The following WDFY3 variants were observed in gnomAD, a reference collection of about 807,000 sequenced individuals.
WDFY3 encodes WD repeat and FYVE domain-containing protein 3.
A neutral mutation model predicts 409.6 loss-of-function variants in WDFY3; 66 were observed. The ratio of observed to expected loss-of-function variants is 0.16; its 90% CI spans 0.13 to 0.20. WDFY3 has a LOEUF of 0.20. WDFY3 is among the 10% of genes least tolerant of loss of function. WDFY3 has a pLI of 1.00. For synonymous variants in WDFY3, 1,521 were observed against 1,537.1 expected (o/e 0.99, Z 0.25); for missense variants, 3,031 against 4,298.1 (o/e 0.71, Z 8.24).
rs748790252 is a variant in WDFY3, at chr4:84,810,355, C to T, written c.1888-11G>A. 2 of 911,838 alleles carry T rather than the reference C, an allele frequency of 2.2e-6. No homozygotes were observed. Among genetic ancestry groups the T allele is most frequent in the Non-Finnish European group, 2.9e-6 (2 of 695,174 alleles). 56.5% of individuals were successfully genotyped at this position (911,838 alleles called of 1,614,324 possible). On this transcript the variant is annotated splice_polypyrimidine_tract_variant and intron_variant, in intron 13 of 67. Coordinates refer to ENST00000295888, the MANE Select transcript of WDFY3 (RefSeq NM_014991.6). ...GACCGACAGGAGGGCCTACAGGAGACAAAAGAAAAAACAAATGAAAATACA... is the reference window on the plus strand; with the variant it reads ...GACCGACAGGAGGGCCTACAGGAGATAAAAGAAAAAACAAATGAAAATACA...
At chr4:84,773,000 G>A in intron 29 of WDFY3, 71 bp from the exon 30 acceptor site, 103 of 1,105,760 alleles carry the variant, frequency 9.3e-5, no homozygotes, top group South Asian at 3.6e-4. Context: ...AAAGTACAAA[G>A]AAACAAAATA....
intron 3 of WDFY3, among the ~76,000 whole-genome samples, chr4:84,877,573 A>G (rs1294108994): frequency 6.6e-6 from 1 of 152,182 alleles, no homozygotes; most frequent in East Asian, 1.9e-4. Context: ...AGTTGGAATT[A>G]AAGGTGTGAG....
At chr4:84,940,473 A>C (rs1376834866) in intron 1 of WDFY3, among the ~76,000 whole-genome samples, 1 of 152,124 alleles carries the variant, frequency 6.6e-6, no homozygotes, top group African/African-American at 2.4e-5. Context: ...TTTTTAAAAA[A>C]AGGTTTACTT....
intron 66 of WDFY3, 70 bp downstream of exon 66, chr4:84,678,098 G>T: frequency 9.1e-7 from 1 of 1,094,858 alleles, no homozygotes. Context: ...AGACTGGGCT[G>T]GAGTATGTGG....
rs1258588461 is a variant in WDFY3, at chr4:84,766,460, A to G, written c.4850-88T>C. ...TAGTTCTTGGAAAGTTTACTGAAAA[A>G]TATATCTTTTAGAAAACATTTTCTC... is the stretch of plus-strand genomic sequence containing the variant. On this transcript the variant is annotated intron_variant, in intron 30 of 67. Transcript: ENST00000295888. 5 of 1,312,544 alleles carry G rather than the reference A, an allele frequency of 3.8e-6. No homozygotes were observed. The East Asian group carries it at 1.3e-4, about 34-fold the overall frequency. The allele number at this position is 1,312,544 out of a possible 1,614,324, so 81.3% of individuals were successfully genotyped here.
chr4:84,865,576 G>T (rs1299513701), intron 3 of WDFY3, among the ~76,000 whole-genome samples: 4 of 152,218 alleles, frequency 2.6e-5, no homozygotes, highest in African/African-American at 9.6e-5. Context: ...TTAGCCAGAA[G>T]CCGTAATGTT....
rs879642688 is a variant in WDFY3 at position 84,858,896 on chromosome 4, C to G, written c.180+1516G>C. 2.7e-5 allele frequency among the ~76,000 whole-genome samples: 4 copies of G among 150,864 alleles called. No homozygotes were observed. In the East Asian group the frequency reaches 7.8e-4, roughly 29 times the overall value. Reference sequence around the variant, plus strand: ...TCAGAGACAGGGAAAGAAATAGGGACAGAGAGGAGACAAAGAGAGAAATGG... The same window carrying G: ...TCAGAGACAGGGAAAGAAATAGGGAGAGAGAGGAGACAAAGAGAGAAATGG... On this transcript the variant is annotated intron_variant, in intron 4 of 67. Coordinates refer to ENST00000295888, the MANE Select transcript of WDFY3 (RefSeq NM_014991.6).
At chr4:84,758,526 G>T (rs1316657231) in intron 32 of WDFY3, among the ~76,000 whole-genome samples, 1 of 152,100 alleles carries the variant, frequency 6.6e-6, no homozygotes, top group East Asian at 1.9e-4. Flanking sequence ...AAGATTACAG[G>T]CATGAGAGAC....
intron 2 of WDFY3, among the ~76,000 whole-genome samples, chr4:84,900,819 G>T (rs1229621539): frequency 6.6e-6 from 1 of 152,176 alleles, no homozygotes; most frequent in Non-Finnish European, 1.5e-5. Flanking sequence ...ACAAAAAGGT[G>T]AATTTTACTT....
At chr4:84,678,699 G>A (rs1231085741) in intron 65 of WDFY3, among the ~76,000 whole-genome samples, 1 of 152,194 alleles carries the variant, frequency 6.6e-6, no homozygotes, top group African/African-American at 2.4e-5. Flanking sequence ...AAGATGCCCA[G>A]CATATTGCAA....
chr4:84,828,899 T>A (rs1460099844), intron 9 of WDFY3, 105 bp downstream of exon 9: 50 of 1,157,542 alleles, frequency 4.3e-5, no homozygotes, highest in Middle Eastern at 2.1e-4. Context: ...ATTAAATAAG[T>A]GTTTCCTTAA....
rs1743310436 is a variant in WDFY3, at chr4:84,764,707, A to C, written c.5188+1103T>G. On this transcript the variant is annotated intron_variant, in intron 32 of 67. Coordinates refer to ENST00000295888, the MANE Select transcript of WDFY3 (RefSeq NM_014991.6). ...AAACCCCGTCTCTACTAAAAAAAAA[A>C]AAATACAAAAAATTAGCCGGGCGTG... Among the ~76,000 whole-genome samples the C allele has an allele frequency of 2.6e-5, 4 of 151,990 alleles. No homozygotes were observed. The South Asian group carries it at 8.3e-4, about 32-fold the overall frequency.
rs1746243432 is a variant in WDFY3 at position 84,780,117 on chromosome 4, C to A, written c.4356G>T (p.Lys1452Asn). 3 of 1,599,942 alleles carry A rather than the reference C, an allele frequency of 1.9e-6. No individual in the cohort carries two copies. In the African/African-American group the frequency reaches 4.0e-5, roughly 21 times the overall value. The change falls in exon 26 of 68, where the codon AAG (lysine) becomes AAT (asparagine). Residue 1452 changes from lysine to asparagine, a missense_variant. Physicochemically the swap from Lys to Asn is moderately conservative, Grantham distance 94. Coordinates refer to ENST00000295888, the MANE Select transcript of WDFY3 (RefSeq NM_014991.6). ...TTTTACAGTTACAAACCTGGTAGCC[C>A]TTGATTCTTTCCATTTCTTTGCTGG... is the stretch of plus-strand genomic sequence containing the variant. ...PLASKEMERIKGYQLLAMLLK... is the reference protein window; with the variant it reads ...PLASKEMERINGYQLLAMLLK...
chr4:84,925,073 T>C (rs537102853), intron 2 of WDFY3, among the ~76,000 whole-genome samples: 48 of 152,338 alleles, frequency 3.2e-4, no homozygotes, highest in Middle Eastern at 3.4e-3. Context: ...GCTACTTAGC[T>C]AGCACAGAAT....
At chr4:84,840,914 A>G (rs1757257441) in intron 6 of WDFY3, among the ~76,000 whole-genome samples, 1 of 152,098 alleles carries the variant, frequency 6.6e-6, no homozygotes, top group African/African-American at 2.4e-5. Flanking sequence ...GTTACAACAT[A>G]TCGAGATGGA....
At chr4:84,708,204 T>C (rs1578201129) in intron 53 of WDFY3, among the ~76,000 whole-genome samples, 2 of 152,228 alleles carry the variant, frequency 1.3e-5, no homozygotes, top group African/African-American at 4.8e-5. Context: ...GTTGAATTGT[T>C]GGAAATCTTC....
chr4:84,908,024 A>G (rs1016219155), intron 2 of WDFY3, among the ~76,000 whole-genome samples: 1 of 152,182 alleles, frequency 6.6e-6, no homozygotes, highest in African/African-American at 2.4e-5. Flanking sequence ...GCAGAGGATG[A>G]CAAATGAAGG....
intron 1 of WDFY3, among the ~76,000 whole-genome samples, chr4:84,939,053 A>G (rs1771784777): frequency 6.6e-6 from 1 of 152,160 alleles, no homozygotes; most frequent in Non-Finnish European, 1.5e-5. Flanking sequence ...TCCCCCATTC[A>G]GTATAAGATC....
intron 8 of WDFY3, among the ~76,000 whole-genome samples, chr4:84,829,502 TC>T (rs1755350403): frequency 6.6e-6 from 1 of 152,138 alleles, no homozygotes; most frequent in African/African-American, 2.4e-5. Flanking sequence ...ATATTTTTGA[TC>T]TTTTATATTG....
Sources: allele counts gnomAD v4.1 joint callset (sites outside exome capture counted in the v4.1 genomes callset), GRCh38; gene constraint gnomAD v4.1.1; transcripts MANE v1.5; gene names NCBI Gene and HGNC (gene_info 2026-07-23, HGNC 2026-07-21).